Variants in HK1 observed in about 807,000 individuals in gnomAD.
The protein encoded by HK1 is hexokinase-1.
A neutral mutation model predicts 91.6 loss-of-function variants in HK1; 28 were observed. The observed-to-expected ratio is 0.31, with a 90% confidence interval of 0.23 to 0.42. The LOEUF (loss-of-function observed/expected upper bound fraction) is 0.42, where lower values mean the gene tolerates loss of function less well. Ranked by LOEUF, HK1 falls within the 10% of genes least tolerant of loss-of-function variation. The probability of loss-of-function intolerance (pLI) is 1.00; values close to 1 mark genes in which losing one functional copy is unlikely to be tolerated. For synonymous variants in HK1, 430 were observed against 468.1 expected, an observed-to-expected ratio of 0.92 and a Z score of 1.05; for missense variants, 770 against 1,219.8, an observed-to-expected ratio of 0.63 and a Z score of 5.49.
chr10:69,355,584 G>A (rs1217686052), intron 2 of HK1, among the ~76,000 whole-genome samples: 1 of 152,062 alleles, frequency 6.6e-6, no homozygotes, highest in African/African-American at 2.4e-5. Flanking sequence ...GAGGTCAGGA[G>A]TTTGAGACCA....
chr10:69,276,114 A>ATATATATAT (rs1564746767), intron 1 of HK1, among the ~76,000 whole-genome samples: 7 of 40,580 alleles, frequency 1.7e-4, no homozygotes, highest in African/African-American at 5.4e-4. Flanking sequence ...AAAAAAAAAA[A>ATATATATAT]AAAAATACAT....
chr10:69,397,181 C>T (rs765128805), intron 16 of HK1, among the ~76,000 whole-genome samples: 9 of 152,088 alleles, frequency 5.9e-5, no homozygotes, highest in South Asian at 4.1e-4. Flanking sequence ...AGTGGACTTG[C>T]GGGATCATAT....
chr10:69,393,890 T>A (rs1840022965), intron 15 of HK1, among the ~76,000 whole-genome samples: 1 of 152,204 alleles, frequency 6.6e-6, no homozygotes, highest in East Asian at 1.9e-4. Flanking sequence ...TACTAAAAAT[T>A]AATAACAATA....
At chr10:69,357,773 T>C (rs1486766074) in intron 2 of HK1, among the ~76,000 whole-genome samples, 1 of 152,122 alleles carries the variant, frequency 6.6e-6, no homozygotes, top group Admixed American at 6.6e-5. Flanking sequence ...TTCATTGATA[T>C]GAAATGTCCA....
At chr10:69,308,475 G>T (rs1368509923) in intron 5 of HK1, among the ~76,000 whole-genome samples, 3 of 152,130 alleles carry the variant, frequency 2.0e-5, no homozygotes, top group East Asian at 1.9e-4. Flanking sequence ...CAAGCAGGGG[G>T]TATGTGACTG....
intron 1 of HK1, among the ~76,000 whole-genome samples, chr10:69,325,044 ATTTTTTTT>A (rs1046990181): frequency 6.4e-5 from 6 of 93,904 alleles, no homozygotes; most frequent in East Asian, 3.6e-4. Context: ...AAAAATGTGT[ATTTTTTTT>A]TTTTTTTTTT....
At chr10:69,271,945 C>T (rs946783915) in intron 1 of HK1, among the ~76,000 whole-genome samples, 1 of 151,938 alleles carries the variant, frequency 6.6e-6, no homozygotes, top group Non-Finnish European at 1.5e-5. Context: ...CTCACTGAAA[C>T]CTCCACCCCC....
chr10:69,315,387 G>C (rs1261089681), upstream of HK1, among the ~76,000 whole-genome samples: 1 of 152,118 alleles, frequency 6.6e-6, no homozygotes, highest in Non-Finnish European at 1.5e-5. Flanking sequence ...GCGTTTCCTG[G>C]GGTGGCAGCC....
intron 1 of HK1, chr10:69,278,466 T>TGC (rs1173217584): frequency 2.0e-5 from 3 of 152,230 alleles, no homozygotes; most frequent in African/African-American, 7.2e-5. Context: ...CAGCTAAAGC[T>TGC]ATGTGGTCAG....
intron 5 of HK1, among the ~76,000 whole-genome samples, chr10:69,303,422 A>G (rs1488596967): frequency 2.7e-5 from 4 of 150,140 alleles, no homozygotes; most frequent in African/African-American, 9.8e-5. Context: ...ATAGAGAAAG[A>G]GTAACTCATG....
intron 2 of HK1, among the ~76,000 whole-genome samples, chr10:69,358,863 C>CAAAAAAA (rs771610951): frequency 1.9e-3 from 154 of 80,436 alleles, no homozygotes; most frequent in African/African-American, 6.7e-3. Context: ...AGCTCTGTCT[C>CAAAAAAA]AAAAAAAAAA....
chr10:69,382,888 T>A, intron 10 of HK1, 97 bp downstream of exon 10: 1 of 1,169,608 alleles, frequency 8.5e-7, no homozygotes, highest in Non-Finnish European at 1.2e-6. Context: ...GCCTTCACAC[T>A]GGTGATGCAC....
chr10:69,274,669 TTC>T (rs1844345913), intron 1 of HK1, among the ~76,000 whole-genome samples: 1 of 151,952 alleles, frequency 6.6e-6, no homozygotes, highest in Non-Finnish European at 1.5e-5. Flanking sequence ...TCAAGCAGCC[TTC>T]TCTTTCTCAA....
chr10:69,293,923 G>A (rs191013002), intron 3 of HK1, among the ~76,000 whole-genome samples: 13 of 143,292 alleles, frequency 9.1e-5, no homozygotes, highest in East Asian at 4.0e-4. Context: ...GTGCAGTGGC[G>A]TGATCTCGGC....
intron 5 of HK1, among the ~76,000 whole-genome samples, chr10:69,303,004 C>T (rs1845955084): frequency 6.6e-6 from 1 of 152,034 alleles, no homozygotes; most frequent in South Asian, 2.1e-4. Flanking sequence ...TGCTCAAATG[C>T]CGCATCTTCA....
At chr10:69,326,010 A>AT (rs955832675) in intron 1 of HK1, among the ~76,000 whole-genome samples, 2 of 150,130 alleles carry the variant, frequency 1.3e-5, no homozygotes, top group South Asian at 2.1e-4. Flanking sequence ...AATTTTTTGT[A>AT]TTTTTTGTAG....
At position 69,380,244 on chromosome 10, in the gene HK1, A is replaced by G. The variant is rs563327653; in HGVS notation, c.1265+149A>G. On this transcript the variant is annotated intron_variant, in intron 9 of 17. Transcript: ENST00000359426. The surrounding 1 kb of genome is among the most constrained non-coding windows in gnomAD (Gnocchi z 4.0). Reference sequence around the variant, plus strand: ...TGTGGCTCATGCCTGTAATCTTAGCACTTTGAGAGGCCGAGGCAGGAGGAA... The same window carrying G: ...TGTGGCTCATGCCTGTAATCTTAGCGCTTTGAGAGGCCGAGGCAGGAGGAA... The G allele has an allele frequency of 1.1e-3, 786 of 724,796 alleles. 4 individuals carry two copies. The African/African-American group carries it at 0.013, about 12-fold the overall frequency. 44.9% of individuals were successfully genotyped at this position (724,796 alleles called of 1,614,324 possible). A position where few individuals can be genotyped will look rare whatever the true frequency, so the allele number is the denominator to read the frequency against.
rs569221675 is a variant in HK1 at position 69,359,460 on chromosome 10, G to C, written c.227-437G>C. Among the ~76,000 whole-genome samples the C allele has an allele frequency of 1.1e-4, 17 of 152,340 alleles. No individual in the cohort carries two copies. The South Asian group carries it at 3.5e-3, about 32-fold the overall frequency. On this transcript the variant is annotated intron_variant, in intron 2 of 17. Coordinates refer to ENST00000359426, the MANE Select transcript of HK1 (RefSeq NM_000188.3). ...CAGAACCCTGGAATAATTGATGTCAGAGCTGACATGCAGAGACCCAGGGCA... is the reference window on the plus strand; with the variant it reads ...CAGAACCCTGGAATAATTGATGTCACAGCTGACATGCAGAGACCCAGGGCA...
At chr10:69,361,896 C>T (rs1849442291) in intron 3 of HK1, among the ~76,000 whole-genome samples, 1 of 152,240 alleles carries the variant, frequency 6.6e-6, no homozygotes, top group African/African-American at 2.4e-5. Context: ...CAGCTCACCA[C>T]AACCTCCGCC....
Sources: gnomAD v4.1 joint callset for allele counts (sites outside exome capture counted in the v4.1 genomes callset) on GRCh38, gnomAD v4.1.1 for gene constraint, Gnocchi (gnomAD v3.1) non-coding constraint, MANE v1.5 for transcripts, NCBI Gene and HGNC (gene_info 2026-07-23, HGNC 2026-07-21) for gene names.